DTD1: variants seen among roughly 807,000 people sequenced by gnomAD.
DTD1 encodes D-aminoacyl-tRNA deacylase 1, also known as D-tyrosyl-tRNA deacylase 1 homolog.
DTD1 carries 13 observed loss-of-function variants against 25.6 expected under a neutral mutation model. That is an observed-to-expected ratio of 0.51 (90% CI 0.33 to 0.81). The LOEUF is 0.81. Ranked by LOEUF, DTD1 falls within the 30% of genes least tolerant of loss-of-function variation. The probability of loss-of-function intolerance (pLI) is 0.02; values close to 1 mark genes in which losing one functional copy is unlikely to be tolerated. For missense variants in DTD1, 193 were observed against 266.4 expected (o/e 0.72, Z 1.92); for synonymous variants, 110 against 103.6 (o/e 1.06, Z -0.37).
At chr20:18,660,813 T>G (rs1048380327) in intron 4 of DTD1, among the ~76,000 whole-genome samples, 3 of 152,212 alleles carry the variant, frequency 2.0e-5, no homozygotes, top group African/African-American at 7.2e-5. Flanking sequence ...AATTTTGTAT[T>G]GAGGTTACTA....
chr20:18,647,568 A>G (rs548123537), intron 4 of DTD1, among the ~76,000 whole-genome samples: 62 of 152,276 alleles, frequency 4.1e-4, no homozygotes, highest in Admixed American at 7.2e-4. Flanking sequence ...CCAGAAGATC[A>G]GGACACGAGC....
intron 4 of DTD1, among the ~76,000 whole-genome samples, chr20:18,682,288 C>T (rs2061001059): frequency 2.0e-5 from 3 of 152,186 alleles, no homozygotes; most frequent in South Asian, 2.1e-4. Context: ...GTGATATATA[C>T]GTGATGTGTG....
intron 4 of DTD1, among the ~76,000 whole-genome samples, chr20:18,735,521 C>A (rs1488052886): frequency 1.3e-5 from 2 of 152,224 alleles, no homozygotes; most frequent in African/African-American, 4.8e-5. Flanking sequence ...CAGAAGCAAT[C>A]TTCAAATAAT....
intron 4 of DTD1, among the ~76,000 whole-genome samples, chr20:18,671,806 G>A (rs980449064): frequency 3.9e-5 from 6 of 152,184 alleles, no homozygotes; most frequent in Non-Finnish European, 7.3e-5. Context: ...GAGGTTGCTG[G>A]GGCAAGAAGT....
intron 3 of DTD1, among the ~76,000 whole-genome samples, chr20:18,616,968 C>G (rs2060711488): frequency 6.6e-6 from 1 of 152,136 alleles, no homozygotes; most frequent in South Asian, 2.1e-4. Flanking sequence ...GTGGCTTTGC[C>G]ATCCTTTCTA....
rs79822426 is a variant in DTD1, at chr20:18,732,559, C to T, written c.478-11541C>T. Among the ~76,000 whole-genome samples the T allele has an allele frequency of 7.8e-3, 1,191 of 152,290 alleles. 8 individuals carry two copies. Among genetic ancestry groups the T allele is most frequent in the Non-Finnish European group, 0.013 (854 of 68,032 alleles). On this transcript the variant is annotated intron_variant, in intron 4 of 5. Transcript: ENST00000377452. ...ATGGTTACTTCTGTCCTCTCTTTGA[C>T]GTTTTACCATTAGCCCCATTAAAGG...
At chr20:18,739,697 A>G (rs16979572) in intron 4 of DTD1, among the ~76,000 whole-genome samples, 27,295 of 152,024 alleles carry the variant, frequency 0.18, 2,658 homozygotes, top group East Asian at 0.35. Context: ...GCTTGAGCTC[A>G]TATGCAGTAC....
chr20:18,629,507 C>T (rs1049715236), intron 4 of DTD1, among the ~76,000 whole-genome samples: 1 of 151,424 alleles, frequency 6.6e-6, no homozygotes, highest in South Asian at 2.1e-4. Context: ...ACCATGTTGC[C>T]CAGGGTGGTC....
intron 4 of DTD1, among the ~76,000 whole-genome samples, chr20:18,647,326 G>T (rs561171224): frequency 2.0e-5 from 3 of 152,084 alleles, no homozygotes; most frequent in African/African-American, 7.2e-5. Flanking sequence ...ATAAGCCATG[G>T]TTTTTTTCTT....
At chr20:18,736,768 T>C (rs2061256983) in intron 4 of DTD1, among the ~76,000 whole-genome samples, 1 of 152,220 alleles carries the variant, frequency 6.6e-6, no homozygotes, top group African/African-American at 2.4e-5. Flanking sequence ...ACCTATGCCC[T>C]CTGAGTGCTG....
chr20:18,750,100 G>A (rs77995916), intron 5 of DTD1, among the ~76,000 whole-genome samples: 2,741 of 152,284 alleles, frequency 0.018, 49 homozygotes, highest in African/African-American at 0.046. Context: ...GACCAGAGCG[G>A]GGCTGGGTGC....
intron 4 of DTD1, chr20:18,631,546 T>C (rs557755827): frequency 1.0e-6 from 1 of 985,504 alleles, no homozygotes; most frequent in Non-Finnish European, 1.2e-6. Context: ...TCCTCCCTTC[T>C]GCTCTGCCAC....
At chr20:18,733,708 G>T (rs1240985727) in intron 4 of DTD1, among the ~76,000 whole-genome samples, 1 of 152,144 alleles carries the variant, frequency 6.6e-6, no homozygotes, top group Admixed American at 6.5e-5. Flanking sequence ...TCAAACAATG[G>T]GGAATTAGAA....
intron 3 of DTD1, among the ~76,000 whole-genome samples, chr20:18,619,318 T>A (rs2060723724): frequency 1.3e-5 from 2 of 152,270 alleles, no homozygotes; most frequent in South Asian, 4.1e-4. Context: ...TGTCAATTTT[T>A]TGAAATGTCT....
intron 4 of DTD1, among the ~76,000 whole-genome samples, chr20:18,670,104 C>CGT (rs551128393): frequency 6.6e-6 from 1 of 152,068 alleles, no homozygotes; most frequent in African/African-American, 2.4e-5. Context: ...ATGGGATGTC[C>CGT]GTGTGTGTGT....
chr20:18,680,508 T>C (rs2060993001), intron 4 of DTD1, among the ~76,000 whole-genome samples: 3 of 151,310 alleles, frequency 2.0e-5, no homozygotes, highest in African/African-American at 7.3e-5. Context: ...TCCCAATGTG[T>C]TGGGATTACA....
chr20:18,591,456 A>T (rs2060589157), intron 1 of DTD1, among the ~76,000 whole-genome samples: 1 of 152,226 alleles, frequency 6.6e-6, no homozygotes, highest in Non-Finnish European at 1.5e-5. Context: ...ATCTATTAAA[A>T]GGTGTTTAGG....
intron 4 of DTD1, among the ~76,000 whole-genome samples, chr20:18,740,200 A>G (rs1299988941): frequency 6.6e-6 from 1 of 152,132 alleles, no homozygotes; most frequent in Non-Finnish European, 1.5e-5. Context: ...ATAGCATAAA[A>G]GAGTACAAAG....
intron 4 of DTD1, among the ~76,000 whole-genome samples, chr20:18,658,189 A>AT (rs1491400533): frequency 6.8e-6 from 1 of 146,140 alleles, no homozygotes; most frequent in Non-Finnish European, 1.5e-5. Flanking sequence ...AGAGTCTGAG[A>AT]TGTGTGTGTG....
Sources: allele counts gnomAD v4.1 joint callset (sites outside exome capture counted in the v4.1 genomes callset), GRCh38; gene constraint gnomAD v4.1.1; transcripts MANE v1.5; gene names NCBI Gene and HGNC (gene_info 2026-07-23, HGNC 2026-07-21).